SPRYD3: variants seen among roughly 807,000 people sequenced by gnomAD.
The protein encoded by SPRYD3 is SPRY domain containing 3, also known as SPRY domain-containing protein 3.
SPRYD3 carries 17 observed loss-of-function variants against 50.1 expected under a neutral mutation model. The ratio of observed to expected loss-of-function variants is 0.34; its 90% CI spans 0.23 to 0.51. The LOEUF (loss-of-function observed/expected upper bound fraction) is 0.51, where lower values mean the gene tolerates loss of function less well. Ranked by LOEUF, SPRYD3 falls within the 20% of genes least tolerant of loss-of-function variation. The pLI, the probability that SPRYD3 is intolerant of heterozygous loss-of-function variation, is 0.97. For synonymous variants in SPRYD3, 198 were observed against 215.5 expected, an observed-to-expected ratio of 0.92 and a Z score of 0.71; for missense variants, 401 against 591.2, an observed-to-expected ratio of 0.68 and a Z score of 3.34.
At position 53,075,155 on chromosome 12, in the gene SPRYD3, C is replaced by A. The variant is rs1944579572; in HGVS notation, c.311G>T (p.Ser104Ile). 1 of 1,613,826 alleles carries A rather than the reference C, an allele frequency of 6.2e-7. No homozygotes were observed. ...IAVGLVPQYY[S>I]LDHQPGWLPD... is the part of the protein sequence containing the mutation. ...CAACCAGCCAGGCTGGTGATCCAAG[C>A]TGTAGTACTGAGGGACCAGCCCCAC... is the stretch of plus-strand genomic sequence containing the variant. The change falls in exon 4 of 11, where the codon AGC becomes ATC. Residue 104 changes from serine to isoleucine, a missense_variant. Physicochemically the swap from Ser to Ile is moderately radical, Grantham distance 142. Transcript: ENST00000301463.
chr12:53,076,610 AGCTGGATCCCCTCCTT>A (rs1423549618), intron 2 of SPRYD3, among the ~76,000 whole-genome samples: 2 of 152,148 alleles, frequency 1.3e-5, no homozygotes, highest in Admixed American at 1.3e-4. Flanking sequence ...TCCCCTACCC[AGCTGGATCCCCTCCTT>A]GCTGGATGAG....
At chr12:53,067,597 T>A (rs1565616807) in intron 8 of SPRYD3, 51 bp downstream of exon 8, 2 of 1,548,814 alleles carry the variant, frequency 1.3e-6, no homozygotes, top group East Asian at 2.2e-5. Flanking sequence ...GATGTCCCTA[T>A]GCCTCCACAT....
At chr12:53,070,440 G>GGA (rs1480009491) in intron 6 of SPRYD3, among the ~76,000 whole-genome samples, 16 of 152,150 alleles carry the variant, frequency 1.1e-4, no homozygotes, top group Non-Finnish European at 1.0e-4. Context: ...AGGAGTGAAG[G>GGA]TTAACCCTTA....
intron 10 of SPRYD3, 66 bp downstream of exon 10, chr12:53,066,240 TCTGTTCCC>T (rs1944505102): frequency 5.1e-6 from 8 of 1,563,724 alleles, no homozygotes; most frequent in Non-Finnish European, 6.9e-6. Flanking sequence ...GGTTGTGAGT[TCTGTTCCC>T]CACTAATACC....
Position 53,066,691 on chromosome 12 carries a change from G to A in SPRYD3, c.903C>T (p.Asp301=), listed in dbSNP as rs754435884. 13 of 1,606,802 alleles carry A rather than the reference G, an allele frequency of 8.1e-6. No homozygotes were observed. The highest frequency in any genetic ancestry group is 1.7e-4 in the Middle Eastern group (1 of 6,054). ...CACTGCCATGGAAGATCTTCCCATCGTCTGTTGGAGGGAGGGGAAAGGACA... is the reference window on the plus strand; with the variant it reads ...CACTGCCATGGAAGATCTTCCCATCATCTGTTGGAGGGAGGGGAAAGGACA... ...WSRGSVAYHA[D]DGKIFHGSGV... The change falls in exon 9 of 11, where the codon GAC becomes GAT. Residue 301 remains aspartate, a splice_region_variant and synonymous_variant. Coordinates refer to ENST00000301463, the MANE Select transcript of SPRYD3 (RefSeq NM_032840.3).
At chr12:53,071,402 C>T (rs1436618147) in intron 6 of SPRYD3, among the ~76,000 whole-genome samples, 3 of 152,236 alleles carry the variant, frequency 2.0e-5, no homozygotes, top group Admixed American at 6.5e-5. Context: ...CATTACCTCA[C>T]TTTGCGAGGC....
chr12:53,073,256 G>GGCCCCGGGGGGGGGGGGGC, intron 6 of SPRYD3, 30 bp downstream of exon 6: 11 of 424,128 alleles, frequency 2.6e-5, no homozygotes, highest in East Asian at 1.1e-4. Context: ...CTCCGACCCA[G>GGCCCCGGGGGGGGGGGGGC]CCCCTCCCAC....
intron 6 of SPRYD3, among the ~76,000 whole-genome samples, chr12:53,071,498 G>C (rs1012136912): frequency 6.6e-6 from 1 of 152,124 alleles, no homozygotes; most frequent in Non-Finnish European, 1.5e-5. Context: ...CTTTAGGAGG[G>C]GGAAACAGGC....
intron 6 of SPRYD3, among the ~76,000 whole-genome samples, chr12:53,071,506 G>A (rs1340329115): frequency 6.6e-6 from 1 of 152,106 alleles, no homozygotes; most frequent in African/African-American, 2.4e-5. Flanking sequence ...GGGGGAAACA[G>A]GCCACAGGAG....
intron 6 of SPRYD3, 27 bp downstream of exon 6, chr12:53,073,259 C>CCCGGGGGGGGGGGGGGGGGGG: frequency 2.0e-5 from 8 of 400,926 alleles, no homozygotes; most frequent in Non-Finnish European, 2.7e-5. Context: ...CGACCCAGCC[C>CCCGGGGGGGGGGGGGGGGGGG]CTCCCACCCT....
In SPRYD3 at chr12:53,070,450, A is replaced by G. The variant is rs147134629; in HGVS notation, c.694-2146T>C. ...AGAGGAGGAGTGAAGGTTAACCCTT[A>G]GAGTCTGAACTGTTAGGATCTTGAT... On this transcript the variant is annotated intron_variant, in intron 6 of 10. Coordinates refer to ENST00000301463, the MANE Select transcript of SPRYD3 (RefSeq NM_032840.3). Among the ~76,000 whole-genome samples, 1,458 of 152,302 alleles carry G rather than the reference A, an allele frequency of 9.6e-3. 22 individuals carry two copies. Among genetic ancestry groups the G allele is most frequent in the African/African-American group, 0.032 (1,347 of 41,546 alleles).
chr12:53,067,685 G>T lies in SPRYD3; in HGVS notation c.864C>A (p.His288Gln), dbSNP rs760944388. ...CCACAGACCCTCTGCTCCAGCCAGG[G>T]TGCCTGTTCTTGGGATAGTCCTGCA... ...LARKDYPKNRHPGWSRGSVAY... is the reference protein window; with the variant it reads ...LARKDYPKNRQPGWSRGSVAY... Residue 288 changes from histidine to glutamine, a missense_variant, in exon 8 of 11, where the codon CAC becomes CAA. Transcript: ENST00000301463. 1 of 1,614,078 alleles carries T rather than the reference G, an allele frequency of 6.2e-7. No homozygotes were observed. Among genetic ancestry groups the T allele is most frequent in the South Asian group, 1.1e-5 (1 of 91,076 alleles).
Position 53,064,667 on chromosome 12 carries a change from C to T in SPRYD3, c.*1165G>A, listed in dbSNP as rs938498103. ...TGGTCTGTACATACATTTCATACAT[C>T]GTAGGGTGGGAAGCGAGGGCCAAAG... On this transcript the variant is annotated 3_prime_UTR_variant, in exon 11 of 11. Transcript: ENST00000301463. 1 of 152,644 alleles carries T rather than the reference C, an allele frequency of 6.6e-6. No homozygotes were observed. Among genetic ancestry groups the T allele is most frequent in the Admixed American group, 6.5e-5 (1 of 15,274 alleles). 9.5% of individuals were successfully genotyped at this position (152,644 alleles called of 1,614,324 possible).
In SPRYD3 at chr12:53,065,875, C is replaced by G. The variant is rs1454069314; in HGVS notation, c.1286G>C (p.Cys429Ser). The stretch of plus-strand genomic sequence containing the variant: ...CAGATCTACTTTGACTTTCTCCCCG[C>G]AGCTCAGCATTCCAATGGTGGGGAA... ...GFFPTIGMLS[C>S]GEKVKVDLHP... Residue 429 changes from cysteine to serine, a missense_variant, in exon 11 of 11, where the codon TGC (cysteine) becomes TCC (serine). By Grantham distance (112) the Cys-to-Ser change is moderately radical. Coordinates refer to ENST00000301463, the MANE Select transcript of SPRYD3 (RefSeq NM_032840.3). The G allele has an allele frequency of 6.2e-7, 1 of 1,613,958 alleles. No individual in the cohort carries two copies. Among genetic ancestry groups the G allele is most frequent in the Non-Finnish European group, 8.5e-7 (1 of 1,179,930 alleles).
chr12:53,066,246 C>T, intron 10 of SPRYD3, 68 bp downstream of exon 10: 1 of 1,568,224 alleles, frequency 6.4e-7, no homozygotes, highest in Non-Finnish European at 8.7e-7. Context: ...GAGTTCTGTT[C>T]CCCACTAATA....
chr12:53,065,028 C>G lies in SPRYD3; in HGVS notation c.*804G>C, dbSNP rs187107781. On this transcript the variant is annotated 3_prime_UTR_variant, in exon 11 of 11. Coordinates refer to ENST00000301463, the MANE Select transcript of SPRYD3 (RefSeq NM_032840.3). ...TCTTGCCCTCACGCTGGCAGGGAGA[C>G]AGGCCCCAGAGCCTCAGCCCCAATA... 48 of 152,636 alleles carry G rather than the reference C, an allele frequency of 3.1e-4. No individual in the cohort carries two copies. The highest frequency in any genetic ancestry group is 3.1e-3 in the Admixed American group (47 of 15,308). The allele number at this position is 152,636 out of a possible 1,614,324, so 9.5% of individuals were successfully genotyped here. A position where few individuals can be genotyped will look rare whatever the true frequency, so the allele number is the denominator to read the frequency against.
intron 6 of SPRYD3, among the ~76,000 whole-genome samples, chr12:53,071,288 C>A (rs1944548042): frequency 6.6e-6 from 1 of 152,182 alleles, no homozygotes; most frequent in South Asian, 2.1e-4. Context: ...AAAGCTGTTG[C>A]CCCTGTCACT....
chr12:53,074,659 T>G lies in SPRYD3; in HGVS notation c.497A>C (p.Asn166Thr). The G allele has an allele frequency of 6.2e-7, 1 of 1,614,176 alleles. No homozygotes were observed. The highest frequency in any genetic ancestry group is 2.2e-5 in the East Asian group (1 of 44,886). Residue 166 changes from asparagine to threonine, a missense_variant, in exon 5 of 11, where the codon AAT becomes ACT. Physicochemically the swap from Asn to Thr is moderately conservative, Grantham distance 65. Transcript: ENST00000301463. The surrounding 1 kb of genome is among the most constrained non-coding windows in gnomAD (Gnocchi z 4.6). The stretch of plus-strand genomic sequence containing the variant: ...CTATTTCCCACTCACCCGCTTCCCA[T>G]TTTTGGTGAAGAAGATCTGGGCGGT... ...VQTAQIFFTK[N>T]GKRVGSTIMP...
At chr12:53,073,256 G>GCCCCCGGGGGGGGGGGGGCCCCCCCCCCC in intron 6 of SPRYD3, 30 bp downstream of exon 6, 1 of 424,134 alleles carries the variant, frequency 2.4e-6, no homozygotes, top group Non-Finnish European at 4.4e-6. Context: ...CTCCGACCCA[G>GCCCCCGGGGGGGGGGGGGCCCCCCCCCCC]CCCCTCCCAC....
Sources: gnomAD v4.1 joint callset for allele counts (sites outside exome capture counted in the v4.1 genomes callset) on GRCh38, gnomAD v4.1.1 for gene constraint, Gnocchi (gnomAD v3.1) non-coding constraint, MANE v1.5 for transcripts, NCBI Gene and HGNC (gene_info 2026-07-23, HGNC 2026-07-21) for gene names.